Variants in SSX1 observed in about 807,000 individuals in gnomAD.
The protein encoded by SSX1 is protein SSX1.
SSX1 carries 58 observed loss-of-function variants against 14.6 expected under a neutral mutation model. That is an observed-to-expected ratio of 3.96 (90% CI 3.21 to 4.93). The LOEUF is 4.93. SSX1 is among the 30% of genes most tolerant of loss of function. SSX1 has a pLI of 0.00. For synonymous variants in SSX1, 46 were observed against 52.1 expected, an observed-to-expected ratio of 0.88 and a Z score of 0.50; for missense variants, 272 against 143.1, an observed-to-expected ratio of 1.90 and a Z score of -4.60.
intron 6 of SSX1, among the ~76,000 whole-genome samples, chrX:48,264,806 G>A (rs782355720): frequency 1.8e-5 from 2 of 112,733 alleles, no homozygotes; most frequent in African/African-American, 6.4e-5. Context: ...ATCTACTTCC[G>A]ATAAAAGGCT....
intron 5 of SSX1, among the ~76,000 whole-genome samples, chrX:48,263,463 C>A (rs1307556811): frequency 9.1e-6 from 1 of 109,779 alleles, no homozygotes; most frequent in Non-Finnish European, 1.9e-5. Flanking sequence ...TTTTGTAGAC[C>A]TTGTGAATTC....
rs1569451985 is a variant in SSX1, at chrX:48,263,790, CAA to C, written c.340_341del (p.Lys114GlufsTer8). ...LHRIIPKIMPKKPAEDENDSK... is the reference protein window; with the variant it reads ...LHRIIPKIMPXKPAEDENDSK... ...ACCTTCACATTATAAAGATCATGCC[CAA>C]GAAGCCAGCAGAGGACGAAAATGAT... On this transcript the variant is annotated frameshift_variant, in exon 6 of 8. Transcript: ENST00000376919. LOFTEE classifies it high-confidence loss of function. 1.7e-6 allele frequency: 2 copies of C among 1,211,236 alleles called. No homozygotes were observed. Among genetic ancestry groups the C allele is most frequent in the African/African-American group, 3.5e-5 (2 of 57,689 alleles).
chrX:48,258,540 C>G lies in SSX1; in HGVS notation c.189C>G (p.Phe63Leu). Residue 63 changes from phenylalanine to leucine, a missense_variant, in exon 4 of 8, where the codon TTC becomes TTG. Phe to Leu is a conservative substitution (Grantham distance 22). Transcript: ENST00000376919. ...AAACATTTTGCTTCTTTCTAGGTTT[C>G]AAAGTCACCCTCCCACCTTTCATGT... ...RNYKAMTKLGFKVTLPPFMCN... is the reference protein window; with the variant it reads ...RNYKAMTKLGLKVTLPPFMCN... 8.3e-7 allele frequency: 1 copy of G among 1,205,818 alleles called. No individual in the cohort carries two copies. Among genetic ancestry groups the G allele is most frequent in the Non-Finnish European group, 1.1e-6 (1 of 891,325 alleles).
intron 4 of SSX1, among the ~76,000 whole-genome samples, chrX:48,261,563 C>G (rs1452659758): frequency 1.8e-5 from 2 of 112,017 alleles, no homozygotes; most frequent in Admixed American, 9.5e-5. Flanking sequence ...TTTGAGAAAC[C>G]ATGTGATGTA....
rs137896828 is a variant in SSX1 at position 48,257,825 on chromosome X, A to G, written c.149A>G (p.Tyr50Cys). The G allele has an allele frequency of 2.6e-3, 3,078 of 1,201,385 alleles. 8 individuals are homozygous for G. Among genetic ancestry groups the G allele is most frequent in the Non-Finnish European group, 2.8e-3 (2,450 of 889,105 alleles). ...MKYSEKISYV[Y>C]MKRNYKAMTK... ...TACTCGGAGAAAATCAGCTATGTGT[A>G]TATGAAGAGAAACTATAAGGCCATG... is the stretch of plus-strand genomic sequence containing the variant. Residue 50 changes from tyrosine (Y) to cysteine (C), a missense_variant, in exon 3 of 8, where the codon TAT (tyrosine) becomes TGT (cysteine). Transcript: ENST00000376919.
Position 48,263,865 on chromosome X carries a change from A to C in SSX1, c.414A>C (p.Gln138His). ...CTGGCCCACAAAACGATGGGAAACAACTGCACCCCCCAGGAAAAGCAAATA... is the reference window on the plus strand; with the variant it reads ...CTGGCCCACAAAACGATGGGAAACACCTGCACCCCCCAGGAAAAGCAAATA... ...EASGPQNDGKQLHPPGKANIS... is the reference protein window; with the variant it reads ...EASGPQNDGKHLHPPGKANIS... The change falls in exon 6 of 8, where the codon CAA becomes CAC. Residue 138 changes from glutamine to histidine, a missense_variant. Gln to His is a conservative substitution (Grantham distance 24). Coordinates refer to ENST00000376919, the MANE Select transcript of SSX1 (RefSeq NM_005635.4). 1 of 1,211,771 alleles carries C rather than the reference A, an allele frequency of 8.3e-7. No individual in the cohort carries two copies. The highest frequency in any genetic ancestry group is 1.8e-5 in the South Asian group (1 of 56,961).
chrX:48,257,157 T>C, intron 1 of SSX1, 65 bp from the exon 2 acceptor site: 1 of 1,070,117 alleles, frequency 9.3e-7, no homozygotes, highest in Non-Finnish European at 1.3e-6. Context: ...CGGGCTTCAC[T>C]GATTTCTCCC....
At chrX:48,265,994 A>G (rs184916654) in intron 6 of SSX1, among the ~76,000 whole-genome samples, 15 of 112,004 alleles carry the variant, frequency 1.3e-4, no homozygotes. Flanking sequence ...GTGTGCCCTT[A>G]ACAAATACGT....
chrX:48,263,890 AT>A lies in SSX1; in HGVS notation c.442del (p.Ser148LeufsTer28). 1 of 1,211,135 alleles carries A rather than the reference AT, an allele frequency of 8.3e-7. No homozygotes were observed. Reference protein sequence around the residue: ...KQLHPPGKANISEKINKRSGP... With the variant: ...KQLHPPGKANXSEKINKRSGP... ...ACTGCACCCCCCAGGAAAAGCAAATATTTCTGAGAAGATTAATAAGAGATCT... is the reference window on the plus strand; with the variant it reads ...ACTGCACCCCCCAGGAAAAGCAAATATTCTGAGAAGATTAATAAGAGATCT... On this transcript the variant is annotated frameshift_variant, in exon 6 of 8. Coordinates refer to ENST00000376919, the MANE Select transcript of SSX1 (RefSeq NM_005635.4). LOFTEE classifies it high-confidence loss of function.
At chrX:48,266,456 AT>A (rs2059624374) in intron 7 of SSX1, 65 bp downstream of exon 7, 5 of 1,202,822 alleles carry the variant, frequency 4.2e-6, no homozygotes, top group Non-Finnish European at 4.5e-6. Flanking sequence ...TGGTACTGGT[AT>A]CCCATCTTGT....
intron 3 of SSX1, among the ~76,000 whole-genome samples, chrX:48,258,115 C>T (rs1424336881): frequency 1.9e-5 from 2 of 106,342 alleles, no homozygotes; most frequent in African/African-American, 3.4e-5. Context: ...GCCCAGCTGT[C>T]TCTGTGGCAT....
intron 1 of SSX1, among the ~76,000 whole-genome samples, chrX:48,256,069 A>T (rs782090061): frequency 9.4e-6 from 1 of 106,502 alleles, no homozygotes; most frequent in South Asian, 4.2e-4. Context: ...GGGTTTCCTT[A>T]TGTTGGCCGA....
At chrX:48,264,732 G>A (rs1279215606) in intron 6 of SSX1, among the ~76,000 whole-genome samples, 1 of 112,567 alleles carries the variant, frequency 8.9e-6, no homozygotes, top group East Asian at 2.8e-4. Context: ...ATAGCATTTA[G>A]CCACTTTAGA....
At chrX:48,256,651 C>T (rs1260426233) in intron 1 of SSX1, among the ~76,000 whole-genome samples, 6 of 109,113 alleles carry the variant, frequency 5.5e-5, no homozygotes, top group Non-Finnish European at 9.5e-5. Context: ...ATGGCAGGCT[C>T]TTGTAATCTC....
At chrX:48,263,670 C>A (rs782195085) in intron 5 of SSX1, 112 bp from the exon 6 acceptor site, 1 of 1,039,439 alleles carries the variant, frequency 9.6e-7, no homozygotes, top group Non-Finnish European at 1.3e-6. Flanking sequence ...TAACTCTCCC[C>A]GCGTTGTTGA....
chrX:48,265,501 A>G (rs1426207845), intron 6 of SSX1, among the ~76,000 whole-genome samples: 1 of 111,890 alleles, frequency 8.9e-6, no homozygotes, highest in African/African-American at 3.2e-5. Context: ...TCATTGGTGG[A>G]GCAGTCAGAA....
rs782023583 is a variant in SSX1, at chrX:48,263,870, A to AC, written c.425dup (p.Gly143ArgfsTer7). 1.9e-4 allele frequency: 234 copies of AC among 1,209,497 alleles called. No individual in the cohort carries two copies. Among genetic ancestry groups the AC allele is most frequent in the Non-Finnish European group, 2.5e-4 (224 of 895,068 alleles). On this transcript the variant is annotated frameshift_variant, in exon 6 of 8. Coordinates refer to ENST00000376919, the MANE Select transcript of SSX1 (RefSeq NM_005635.4). LOFTEE classifies it high-confidence loss of function. Reference sequence around the variant, plus strand: ...CCACAAAACGATGGGAAACAACTGCACCCCCCAGGAAAAGCAAATATTTCT... The same window carrying AC: ...CCACAAAACGATGGGAAACAACTGCACCCCCCCAGGAAAAGCAAATATTTCT...
chrX:48,258,725 C>A, intron 4 of SSX1, 94 bp downstream of exon 4: 1 of 704,717 alleles, frequency 1.4e-6, no homozygotes, highest in Non-Finnish European at 2.2e-6. Context: ...TTTGTTCCCT[C>A]ATACACATCA....
intron 6 of SSX1, among the ~76,000 whole-genome samples, chrX:48,264,411 A>T (rs1556936077): frequency 8.9e-6 from 1 of 112,676 alleles, no homozygotes; most frequent in African/African-American, 3.2e-5. Flanking sequence ...GCATAAAAAC[A>T]TTATGTTTAC....
Sources: gnomAD v4.1 joint callset for allele counts (sites outside exome capture counted in the v4.1 genomes callset) on GRCh38, gnomAD v4.1.1 for gene constraint, MANE v1.5 for transcripts, NCBI Gene and HGNC (gene_info 2026-07-23, HGNC 2026-07-21) for gene names.